IMPDH2: variants seen among roughly 807,000 people sequenced by gnomAD.
IMPDH2 encodes inosine-5'-monophosphate dehydrogenase 2.
IMPDH2 carries 33 observed loss-of-function variants against 57.8 expected under a neutral mutation model. The ratio of observed to expected loss-of-function variants is 0.57; its 90% confidence interval spans 0.43 to 0.76. IMPDH2 has a LOEUF of 0.76. IMPDH2 is among the 30% of genes least tolerant of loss of function. The pLI, the probability that IMPDH2 is intolerant of heterozygous loss-of-function variation, is 0.00. For synonymous variants in IMPDH2, 270 were observed against 241.3 expected, an observed-to-expected ratio of 1.12 and a Z score of -1.10; for missense variants, 446 against 659.1, an observed-to-expected ratio of 0.68 and a Z score of 3.54.
Position 49,026,710 on chromosome 3 carries a change from C to G in IMPDH2, c.796G>C (p.Ala266Pro). Residue 266 changes from alanine (A) to proline (P), a missense_variant, in exon 7 of 14, where the codon GCT (alanine) becomes CCT (proline). By Grantham distance (27) the Ala-to-Pro change is conservative. Coordinates refer to ENST00000326739, the MANE Select transcript of IMPDH2 (RefSeq NM_000884.3). ...DKYRLDLLAQ[A>P]GVDVVVLDSS... ...ACCAAAACCACTACATCCACACCAG[C>G]CTGGGCGAGCAAGTCCAGCCTATAC... The G allele has an allele frequency of 1.2e-6, 2 of 1,614,194 alleles. No homozygotes were observed. The highest frequency in any genetic ancestry group is 1.7e-6 in the Non-Finnish European group (2 of 1,180,040).
intron 9 of IMPDH2, 156 bp from the exon 10 acceptor site, chr3:49,025,425 T>A: frequency 1.3e-6 from 1 of 763,872 alleles, no homozygotes; most frequent in Non-Finnish European, 2.2e-6. Flanking sequence ...TGCTGCCACA[T>A]CTGCCTTAAA....
chr3:49,025,422 A>G (rs955838794), intron 9 of IMPDH2, 153 bp from the exon 10 acceptor site: 4 of 772,244 alleles, frequency 5.2e-6, no homozygotes, highest in South Asian at 1.5e-5. Context: ...GGCTGCTGCC[A>G]CATCTGCCTT....
chr3:49,024,917 C>T lies in IMPDH2; in HGVS notation c.1274G>A (p.Ser425Asn). 6.2e-7 allele frequency: 1 copy of T among 1,614,210 alleles called. No homozygotes were observed. Among genetic ancestry groups the T allele is most frequent in the Non-Finnish European group, 8.5e-7 (1 of 1,180,046 alleles). The change falls in exon 11 of 14, where the codon AGC becomes AAC. Residue 425 changes from serine to asparagine, a missense_variant. By Grantham distance (46) the Ser-to-Asn change is conservative. Transcript: ENST00000326739. Reference sequence around the variant, plus strand: ...CCACCTGAAATATCTGTTCTGGCTGCTGAGGTGCTTGTCCATGGCATCGAG... The same window carrying T: ...CCACCTGAAATATCTGTTCTGGCTGTTGAGGTGCTTGTCCATGGCATCGAG... ...GSLDAMDKHL[S>N]SQNRYFSEAD...
In IMPDH2 at chr3:49,024,420, C is replaced by T; in HGVS notation, c.1524-16G>A. The T allele has an allele frequency of 6.2e-7, 1 of 1,614,056 alleles. No individual in the cohort carries two copies. Among genetic ancestry groups the T allele is most frequent in the Non-Finnish European group, 8.5e-7 (1 of 1,179,984 alleles). On this transcript the variant is annotated splice_polypyrimidine_tract_variant and intron_variant, in intron 13 of 13. Transcript: ENST00000326739. ...CTTCTCATACCTGCAGGCAGAAGGA[C>T]CACCTGTGAGGTGAGGGCAGGAGAA...
At chr3:49,027,161 A>AT (rs2093203282) in intron 5 of IMPDH2, 114 bp from the exon 6 acceptor site, 2 of 794,366 alleles carry the variant, frequency 2.5e-6, no homozygotes, top group East Asian at 2.5e-5. Context: ...CACCCAACTA[A>AT]TTTTTTGTAT....
At chr3:49,024,604 G>A (rs958676318) in intron 12 of IMPDH2, 26 bp from the exon 13 acceptor site, 1 of 1,614,166 alleles carries the variant, frequency 6.2e-7, no homozygotes, top group African/African-American at 1.3e-5. Context: ...GGTCAAATGT[G>A]GGTAGCTGGC....
rs11557547 is a variant in IMPDH2, at chr3:49,028,488, T to G, written c.192A>C (p.Pro64=). ...CTGTGTCCATGGGAGAGGAAACCAG[T>G]GGGGTCTTAAGAGTGATTTTCTTGG... The part of the protein sequence containing the change: ...ALTKKITLKT[P]LVSSPMDTVT... The change falls in exon 3 of 14, where the codon CCA becomes CCC. Residue 64 remains proline, a synonymous_variant. Transcript: ENST00000326739. 6.2e-7 allele frequency: 1 copy of G among 1,614,070 alleles called. No individual in the cohort carries two copies. The highest frequency in any genetic ancestry group is 1.7e-5 in the Admixed American group (1 of 60,004).
intron 5 of IMPDH2, among the ~76,000 whole-genome samples, chr3:49,027,430 G>C (rs772626015): frequency 6.6e-6 from 1 of 152,172 alleles, no homozygotes; most frequent in African/African-American, 2.4e-5. Context: ...GAATAAGGAG[G>C]ACAACACAGG....
Position 49,028,520 on chromosome 3 carries a change from C to A in IMPDH2, c.160G>T (p.Ala54Ser). ...TTAAGAGTGATTTTCTTGGTCAGAG[C>A]AGAAGTCAGGTCCTGAGGAGACAAA... ...FTADQVDLTS[A>S]LTKKITLKTP... Residue 54 changes from alanine (A) to serine (S), a missense_variant, in exon 3 of 14, where the codon GCT becomes TCT. Transcript: ENST00000326739. 6.2e-7 allele frequency: 1 copy of A among 1,613,684 alleles called. No individual in the cohort carries two copies. Among genetic ancestry groups the A allele is most frequent in the South Asian group, 1.1e-5 (1 of 91,024 alleles).
rs767704477 is a variant in IMPDH2, at chr3:49,026,757, A to C, written c.749T>G (p.Ile250Ser). 5.0e-6 allele frequency: 8 copies of C among 1,614,208 alleles called. No homozygotes were observed. The highest frequency in any genetic ancestry group is 8.5e-7 in the Non-Finnish European group (1 of 1,180,038). The change falls in exon 7 of 14, where the codon ATT becomes AGT. Residue 250 changes from isoleucine (I) to serine (S), a missense_variant. Transcript: ENST00000326739. ...ATACTTGTCATCCTCATGAGTGCCA[A>C]TGGCTGCCCCACACAGCAGCTGTTT... is the stretch of plus-strand genomic sequence containing the variant. The part of the protein sequence containing the change: ...AKKQLLCGAA[I>S]GTHEDDKYRL...
In IMPDH2 at chr3:49,025,021, C is replaced by T. The variant is rs759628404; in HGVS notation, c.1170G>A (p.Leu390=). Residue 390 remains leucine (L), a synonymous_variant, in exon 11 of 14, where the codon CTG becomes CTA. Coordinates refer to ENST00000326739, the MANE Select transcript of IMPDH2 (RefSeq NM_000884.3). ...GASTVMMGSL[L]AATTEAPGEY... ...CACCAGGGGCCTCAGTGGTGGCAGC[C>T]AGGAGAGAGCCCATCATGACTGCGG... 6.2e-7 allele frequency: 1 copy of T among 1,614,246 alleles called. No homozygotes were observed. The highest frequency in any genetic ancestry group is 1.3e-5 in the African/African-American group (1 of 75,066).
At position 49,028,247 on chromosome 3, in the gene IMPDH2, C is replaced by T. The variant is rs1254477396; in HGVS notation, c.324+1G>A. ...TTGCTAATGATCGTTGCCCTTCTGA[C>T]CTTCACTTTCCGAACTTCATTGGCC... On this transcript the variant is annotated splice_donor_variant, in intron 4 of 13. Coordinates refer to ENST00000326739, the MANE Select transcript of IMPDH2 (RefSeq NM_000884.3). LOFTEE classifies it high-confidence loss of function. 2 of 1,613,800 alleles carry T rather than the reference C, an allele frequency of 1.2e-6. No homozygotes were observed.
At chr3:49,028,888 C>T (rs2106791791) in intron 1 of IMPDH2, 82 bp from the exon 2 acceptor site, 2 of 1,098,428 alleles carry the variant, frequency 1.8e-6, no homozygotes, top group Admixed American at 1.8e-5. Context: ...CCAATCAACC[C>T]GTAACGCATG....
At chr3:49,028,048 T>C (rs2093206808) in intron 4 of IMPDH2, 132 bp from the exon 5 acceptor site, 1 of 817,206 alleles carries the variant, frequency 1.2e-6, no homozygotes, top group Admixed American at 2.1e-5. Context: ...CAACACATCT[T>C]AGAGACATGG....
intron 9 of IMPDH2, 108 bp from the exon 10 acceptor site, chr3:49,025,377 C>A: frequency 8.3e-7 from 1 of 1,202,812 alleles, no homozygotes; most frequent in South Asian, 1.3e-5. Context: ...TGCATCAGGA[C>A]TGCAGCTTGG....
At chr3:49,028,892 AC>A in intron 1 of IMPDH2, 86 bp from the exon 2 acceptor site, 2 of 1,064,718 alleles carry the variant, frequency 1.9e-6, no homozygotes, top group East Asian at 4.9e-5. Context: ...TCAACCCGTA[AC>A]GCATGTGAGC....
Position 49,024,939 on chromosome 3 carries a change from C to T in IMPDH2, c.1252G>A (p.Asp418Asn), listed in dbSNP as rs1035592036. The change falls in exon 11 of 14, where the codon GAT (aspartate) becomes AAT (asparagine). Residue 418 changes from aspartate to asparagine, a missense_variant. Coordinates refer to ENST00000326739, the MANE Select transcript of IMPDH2 (RefSeq NM_000884.3). ...CTGCTGAGGTGCTTGTCCATGGCAT[C>T]GAGAGAACCCATACCGCGATATTTC... ...LKKYRGMGSLDAMDKHLSSQN... is the reference protein window; with the variant it reads ...LKKYRGMGSLNAMDKHLSSQN... 7 of 1,614,158 alleles carry T rather than the reference C, an allele frequency of 4.3e-6. No homozygotes were observed. The highest frequency in any genetic ancestry group is 1.1e-5 in the South Asian group (1 of 91,084).
Position 49,029,256 on chromosome 3 carries a change from T to C in IMPDH2, c.95A>G (p.Tyr32Cys), listed in dbSNP as rs931273434. 1 of 1,600,924 alleles carries C rather than the reference T, an allele frequency of 6.2e-7. No homozygotes were observed. Among genetic ancestry groups the C allele is most frequent in the Admixed American group, 1.7e-5 (1 of 57,706 alleles). The stretch of plus-strand genomic sequence containing the variant: ...GGTGAGCCCCATAGGCCCGCACTTG[T>C]AGGTGAGGCCGTCTCCGCAGTTGAA... ...QLFNCGDGLT[Y>C]NDFLILPGYI... The change falls in exon 1 of 14, where the codon TAC becomes TGC. Residue 32 changes from tyrosine (Y) to cysteine (C), a missense_variant. Physicochemically the swap from Tyr to Cys is radical, Grantham distance 194. Transcript: ENST00000326739.
At chr3:49,025,360 C>T in intron 9 of IMPDH2, 91 bp from the exon 10 acceptor site, 1 of 1,408,278 alleles carries the variant, frequency 7.1e-7, no homozygotes, top group Non-Finnish European at 1.0e-6. Flanking sequence ...GAGCTTTTGG[C>T]TACATCTGCA....
Sources: allele counts gnomAD v4.1 joint callset (sites outside exome capture counted in the v4.1 genomes callset), GRCh38; gene constraint gnomAD v4.1.1; transcripts MANE v1.5; gene names NCBI Gene and HGNC (gene_info 2026-07-23, HGNC 2026-07-21).